The following SMIM36 variants were observed in gnomAD, a reference collection of about 807,000 sequenced individuals.
SMIM36 encodes small integral membrane protein 36.
intron 1 of SMIM36, among the ~76,000 whole-genome samples, chr17:55,493,142 T>G (rs1421353477): frequency 6.6e-6 from 1 of 152,214 alleles, no homozygotes; most frequent in Non-Finnish European, 1.5e-5. Flanking sequence ...GGGCAGTTTT[T>G]CAGGACAAAT....
At chr17:55,479,355 C>G (rs1349102653) in intron 2 of SMIM36, 105 bp downstream of exon 2, 1 of 152,200 alleles carries the variant, frequency 6.6e-6, no homozygotes, top group African/African-American at 2.4e-5. Flanking sequence ...GAGGCTGAGG[C>G]AGGCAGATTA....
chr17:55,530,479 A>G, the SMIM36 span, among the ~76,000 whole-genome samples: 61 of 152,194 alleles, frequency 4.0e-4, no homozygotes, highest in Non-Finnish European at 6.6e-4. Context: ...AGACTGCCCC[A>G]GACGCAGTTA....
At chr17:55,462,750 T>C (rs1475828547) in intron 4 of SMIM36, among the ~76,000 whole-genome samples, 2 of 152,166 alleles carry the variant, frequency 1.3e-5, no homozygotes, top group African/African-American at 4.8e-5. Flanking sequence ...CAACAATTCA[T>C]AACACTTTAA....
At chr17:55,479,747 TTATATA>T (rs1378746171) in intron 1 of SMIM36, among the ~76,000 whole-genome samples, 167 bp from the exon 2 acceptor site, 2 of 152,318 alleles carry the variant, frequency 1.3e-5, no homozygotes, top group South Asian at 2.1e-4. Context: ...CTTAGTTTTA[TTATATA>T]TAAAGTAAGG....
chr17:55,454,076 G>A (rs1908973490), intron 4 of SMIM36: 1 of 152,228 alleles, frequency 6.6e-6, no homozygotes. Context: ...CTGACCACCA[G>A]TGTCAGCTGG....
intron 3 of SMIM36, among the ~76,000 whole-genome samples, chr17:55,470,732 C>T (rs1327377824): frequency 6.6e-6 from 1 of 152,074 alleles, no homozygotes; most frequent in East Asian, 1.9e-4. Context: ...CCTTAATCCG[C>T]AAGTATGGGA....
At chr17:55,472,987 A>T (rs1302211549) in intron 3 of SMIM36, among the ~76,000 whole-genome samples, 1 of 151,980 alleles carries the variant, frequency 6.6e-6, no homozygotes, top group African/African-American at 2.4e-5. Context: ...GAAGGCTAGT[A>T]TTTTTCTTTC....
At chr17:55,511,869 C>A (rs928965701), upstream of SMIM36, among the ~76,000 whole-genome samples, 1 of 152,200 alleles carries the variant, frequency 6.6e-6, no homozygotes, top group South Asian at 2.1e-4. Context: ...GATATTTTCA[C>A]CCTTTCTTCA....
chr17:55,490,146 C>T (rs912558593), intron 1 of SMIM36, among the ~76,000 whole-genome samples: 7 of 152,060 alleles, frequency 4.6e-5, no homozygotes, highest in African/African-American at 7.2e-5. Flanking sequence ...GGAGCCACCG[C>T]GCCTGGCCAT....
chr17:55,485,251 T>A (rs1222758299), intron 1 of SMIM36, among the ~76,000 whole-genome samples: 1 of 152,188 alleles, frequency 6.6e-6, no homozygotes, highest in Non-Finnish European at 1.5e-5. Context: ...AAAATATTCA[T>A]AATCAAAATA....
exon 1 of SMIM36, chr17:55,511,194 C>A (rs151052669): frequency 2.5e-5 from 10 of 398,462 alleles, no homozygotes; most frequent in Non-Finnish European, 3.5e-5. Flanking sequence ...TGGCCTCGGG[C>A]GCGTACTCCT....
intron 1 of SMIM36, among the ~76,000 whole-genome samples, chr17:55,501,027 T>A (rs1480629822): frequency 5.6e-5 from 1 of 18,016 alleles, no homozygotes. Flanking sequence ...TTGTAATATA[T>A]AATATATTAT....
intron 1 of SMIM36, among the ~76,000 whole-genome samples, chr17:55,484,485 C>A (rs1325866088): frequency 6.6e-6 from 1 of 152,188 alleles, no homozygotes; most frequent in African/African-American, 2.4e-5. Context: ...TGCTTATATT[C>A]CCAGAATTCA....
intron 4 of SMIM36, among the ~76,000 whole-genome samples, chr17:55,464,040 A>G (rs1376702034): frequency 6.6e-6 from 1 of 151,930 alleles, no homozygotes; most frequent in Admixed American, 6.6e-5. Flanking sequence ...GCCTGAACCC[A>G]GGAGGCAGAG....
At chr17:55,505,289 A>G (rs1266377633) in intron 1 of SMIM36, among the ~76,000 whole-genome samples, 1 of 84,640 alleles carries the variant, frequency 1.2e-5, no homozygotes, top group Admixed American at 1.2e-4. Flanking sequence ...AGAATTTTAG[A>G]CCAATATCCT....
chr17:55,452,655 T>C (rs1383544429), intron 4 of SMIM36, among the ~76,000 whole-genome samples: 1 of 152,204 alleles, frequency 6.6e-6, no homozygotes, highest in African/African-American at 2.4e-5. Flanking sequence ...TTCCAGAAAA[T>C]GGGCTTTGTC....
At chr17:55,515,636 C>T (rs1386001653), upstream of SMIM36, among the ~76,000 whole-genome samples, 1 of 152,062 alleles carries the variant, frequency 6.6e-6, no homozygotes, top group Non-Finnish European at 1.5e-5. Context: ...GAGATCGGAG[C>T]GAGACATCTT....
intron 1 of SMIM36, among the ~76,000 whole-genome samples, chr17:55,501,549 A>G (rs1329309154): frequency 8.2e-6 from 1 of 121,814 alleles, no homozygotes; most frequent in Non-Finnish European, 1.6e-5. Context: ...ATACAATATT[A>G]TATATATCAT....
chr17:55,480,366 A>T (rs1050412261), intron 1 of SMIM36, among the ~76,000 whole-genome samples: 1 of 152,174 alleles, frequency 6.6e-6, no homozygotes, highest in African/African-American at 2.4e-5. Flanking sequence ...GGGTGTGATC[A>T]TTGTACTACA....
Sources: gnomAD v4.1 joint callset for allele counts (sites outside exome capture counted in the v4.1 genomes callset) on GRCh38, gnomAD v4.1.1 for gene constraint, MANE v1.5 for transcripts, NCBI Gene and HGNC (gene_info 2026-07-23, HGNC 2026-07-21) for gene names.